Variants in ZNF142 observed in about 807,000 individuals in gnomAD.
ZNF142 encodes the protein zinc finger protein 142 (clone pHZ-49).
Under a neutral mutation model 132.1 loss-of-function variants are expected in ZNF142, and 96 were observed. The ratio of observed to expected loss-of-function variants is 0.73; its 90% CI spans 0.62 to 0.86. The LOEUF (loss-of-function observed/expected upper bound fraction) is 0.86. Ranked by LOEUF, ZNF142 falls within the 40% of genes least tolerant of loss-of-function variation. The pLI is 0.00. For synonymous variants in ZNF142, 842 were observed against 890.1 expected, an observed-to-expected ratio of 0.95 and a Z score of 0.96; for missense variants, 2,163 against 2,336.2, an observed-to-expected ratio of 0.93 and a Z score of 1.53.
rs1358601862 is a variant in ZNF142, at chr2:218,637,579, T to C, written c.*760A>G. Among the ~76,000 whole-genome samples the C allele has an allele frequency of 6.6e-6, 1 of 152,242 alleles. No individual in the cohort carries two copies. Among genetic ancestry groups the C allele is most frequent in the Non-Finnish European group, 1.5e-5 (1 of 68,038 alleles). ...TCCTCTCTAGTCATCTGCCTTTCCA[T>C]AGTATCCTTGTGCTTTAACACCTTA... On this transcript the variant is annotated 3_prime_UTR_variant, in exon 11 of 11. Transcript: ENST00000411696.
chr2:218,639,623 T>C (rs1431348331), intron 10 of ZNF142, among the ~76,000 whole-genome samples: 1 of 150,846 alleles, frequency 6.6e-6, no homozygotes, highest in Non-Finnish European at 1.5e-5. Flanking sequence ...ACCCAGCTAA[T>C]TGGGAGGCTA....
At position 218,636,907 on chromosome 2, in the gene ZNF142, G is replaced by A. The variant is rs763426189; in HGVS notation, c.*1432C>T. ...ACAACTAATCTTTCCCATCAACTCT[G>A]TGTGAAGGCAGGTTGCAACTAGAAA... On this transcript the variant is annotated 3_prime_UTR_variant, in exon 11 of 11. Coordinates refer to ENST00000411696, the MANE Select transcript of ZNF142 (RefSeq NM_001379659.1). 6 of 468,670 alleles carry A rather than the reference G, an allele frequency of 1.3e-5. No homozygotes were observed. The highest frequency in any genetic ancestry group is 2.0e-5 in the African/African-American group (1 of 50,568). 29.0% of individuals were successfully genotyped at this position (468,670 alleles called of 1,614,324 possible).
Position 218,642,600 on chromosome 2 carries a change from G to C in ZNF142, c.4516C>G (p.Leu1506Val). The C allele has an allele frequency of 6.2e-7, 1 of 1,609,716 alleles. No individual in the cohort carries two copies. The highest frequency in any genetic ancestry group is 1.1e-5 in the South Asian group (1 of 90,726). Residue 1506 changes from leucine to valine, a missense_variant, in exon 9 of 11, where the codon CTG (leucine) becomes GTG (valine). Physicochemically the swap from Leu to Val is conservative, Grantham distance 32. Transcript: ENST00000411696. This position sits in a 1 kb window ranked among gnomAD's most constrained non-coding sequence, Gnocchi z 4.6. ...TGTGCAGGCTCGGGGTGTCGGCGCAGAGCATGCTGCTTAAGTGCTGTCTCT... is the reference window on the plus strand; with the variant it reads ...TGTGCAGGCTCGGGGTGTCGGCGCACAGCATGCTGCTTAAGTGCTGTCTCT... ...SSETALKQHA[L>V]RRHPEPAQPA...
rs1453504893 is a variant in ZNF142, at chr2:218,643,581, G to T, written c.3535C>A (p.His1179Asn). ...NSLPTEAPKK[H>N]CFDPVPPAGN... Reference sequence around the variant, plus strand: ...GCAGGAGGGACTGGGTCAAAGCAGTGCTTCTTAGGGGCCTCTGTGGGCAAG... The same window carrying T: ...GCAGGAGGGACTGGGTCAAAGCAGTTCTTCTTAGGGGCCTCTGTGGGCAAG... The change falls in exon 9 of 11, where the codon CAC becomes AAC. Residue 1179 changes from histidine (H) to asparagine (N), a missense_variant. Coordinates refer to ENST00000411696, the MANE Select transcript of ZNF142 (RefSeq NM_001379659.1). The T allele has an allele frequency of 6.3e-7, 1 of 1,584,060 alleles. No homozygotes were observed. The highest frequency in any genetic ancestry group is 1.8e-5 in the Admixed American group (1 of 56,546).
At chr2:218,655,292 A>C (rs920165792) in intron 4 of ZNF142, among the ~76,000 whole-genome samples, 1 of 152,112 alleles carries the variant, frequency 6.6e-6, no homozygotes, top group African/African-American at 2.4e-5. Flanking sequence ...CAAATTAGCT[A>C]ATCTTTCCCA....
chr2:218,642,015 C>T lies in ZNF142; in HGVS notation c.5088+13G>A. On this transcript the variant is annotated intron_variant, in intron 9 of 10. Coordinates refer to ENST00000411696, the MANE Select transcript of ZNF142 (RefSeq NM_001379659.1). The surrounding 1 kb of genome is among the most constrained non-coding windows in gnomAD (Gnocchi z 4.6). ...GCTCCTTCCACTTCCTGCCCCATAT[C>T]CTCTGACATTACCTTGAGACGAGAG... 2 of 1,610,212 alleles carry T rather than the reference C, an allele frequency of 1.2e-6. No individual in the cohort carries two copies. Among genetic ancestry groups the T allele is most frequent in the Non-Finnish European group, 8.5e-7 (1 of 1,177,390 alleles).
rs1483872788 is a variant in ZNF142 at position 218,648,806 on chromosome 2, C to G, written c.1702G>C (p.Gly568Arg). Residue 568 changes from glycine (G) to arginine (R), a missense_variant, in exon 7 of 11, where the codon GGC (glycine) becomes CGC (arginine). Gly to Arg is a moderately radical substitution (Grantham distance 125). This residue lies in a region of ZNF142 where 749 missense variants were observed against 830.3 expected (regional missense o/e 0.90). Coordinates refer to ENST00000411696, the MANE Select transcript of ZNF142 (RefSeq NM_001379659.1). Reference sequence around the variant, plus strand: ...AAGGTGCAGCGCAGCTCTTCACTGCCAGGGTGGCCCTGCTTCTTGTGTTTA... The same window carrying G: ...AAGGTGCAGCGCAGCTCTTCACTGCGAGGGTGGCCCTGCTTCTTGTGTTTA... ...FRKHKKQGHP[G>R]SEELRCTFCP... 6.2e-7 allele frequency: 1 copy of G among 1,614,162 alleles called. No homozygotes were observed.
rs1400297234 is a variant in ZNF142 at position 218,642,655 on chromosome 2, G to A, written c.4461C>T (p.Ala1487=). The change falls in exon 9 of 11, where the codon GCC becomes GCT. Residue 1487 remains alanine (A), a synonymous_variant. Coordinates refer to ENST00000411696, the MANE Select transcript of ZNF142 (RefSeq NM_001379659.1). This position sits in a 1 kb window ranked among gnomAD's most constrained non-coding sequence, Gnocchi z 4.6. ...NSCHQGTPAF[A]CSQCEAQFSS... ...TGAACTGGGCTTCACACTGGGAGCA[G>A]GCAAAGGCTGGGGTGCCTTGGTGGC... 2 of 1,614,124 alleles carry A rather than the reference G, an allele frequency of 1.2e-6. No homozygotes were observed. Among genetic ancestry groups the A allele is most frequent in the Middle Eastern group, 1.6e-4 (1 of 6,062 alleles).
chr2:218,636,384 T>C lies in ZNF142; in HGVS notation c.*1955A>G, dbSNP rs1696750192. On this transcript the variant is annotated 3_prime_UTR_variant, in exon 11 of 11. Coordinates refer to ENST00000411696, the MANE Select transcript of ZNF142 (RefSeq NM_001379659.1). Reference sequence around the variant, plus strand: ...CAGTACACCCTGCCTTGGACCTGCATGCAACAAGGTGAGCCAGCCCCTTTG... The same window carrying C: ...CAGTACACCCTGCCTTGGACCTGCACGCAACAAGGTGAGCCAGCCCCTTTG... 3 of 1,614,024 alleles carry C rather than the reference T, an allele frequency of 1.9e-6. No individual in the cohort carries two copies. Among genetic ancestry groups the C allele is most frequent in the African/African-American group, 1.3e-5 (1 of 75,054 alleles).
chr2:218,646,333 T>G lies in ZNF142; in HGVS notation c.1889A>C (p.Lys630Thr), dbSNP rs762564827. 2.4e-5 allele frequency: 39 copies of G among 1,614,064 alleles called. No individual in the cohort carries two copies. The highest frequency in any genetic ancestry group is 3.3e-5 in the Non-Finnish European group (39 of 1,180,024). The change falls in exon 8 of 11, where the codon AAG becomes ACG. Residue 630 changes from lysine to threonine, a missense_variant. This residue lies in a region of ZNF142 where 749 missense variants were observed against 830.3 expected (regional missense o/e 0.90). Coordinates refer to ENST00000411696, the MANE Select transcript of ZNF142 (RefSeq NM_001379659.1). Reference protein sequence around the residue: ...MLLHTGEKPHKCELCDFTCRD... With the variant: ...MLLHTGEKPHTCELCDFTCRD... The stretch of plus-strand genomic sequence containing the variant: ...GCATGTGAAGTCACACAGCTCACAC[T>G]TGTGGGGCTTCTCACCTTATATGGG...
rs752607178 is a variant in ZNF142, at chr2:218,634,190, C to T, written c.*4149G>A. On this transcript the variant is annotated 3_prime_UTR_variant, in exon 11 of 11. Coordinates refer to ENST00000411696, the MANE Select transcript of ZNF142 (RefSeq NM_001379659.1). This position sits in a 1 kb window ranked among gnomAD's most constrained non-coding sequence, Gnocchi z 4.0. Reference sequence around the variant, plus strand: ...GGACAGACTCTTCCAACTACAACCCCCAGGAACTCTGGAATGCAGGCTGCC... The same window carrying T: ...GGACAGACTCTTCCAACTACAACCCTCAGGAACTCTGGAATGCAGGCTGCC... The T allele has an allele frequency of 1.9e-6, 3 of 1,611,730 alleles. No homozygotes were observed. The African/African-American group carries it at 4.0e-5, about 22-fold the overall frequency.
Position 218,640,018 on chromosome 2 carries a change from C to T in ZNF142, c.5194+646G>A, listed in dbSNP as rs576029132. 3.3e-3 allele frequency among the ~76,000 whole-genome samples: 437 copies of T among 132,552 alleles called. 2 individuals carry two copies. The highest frequency in any genetic ancestry group is 0.012 in the African/African-American group (409 of 35,174). 87.0% of individuals were successfully genotyped at this position (132,552 alleles called of 152,430 possible). On this transcript the variant is annotated intron_variant, in intron 10 of 10. Coordinates refer to ENST00000411696, the MANE Select transcript of ZNF142 (RefSeq NM_001379659.1). ...CAGAACTTGCAGTGAGCTTAGATTG[C>T]GCCACTGCACTCCAGGCTGGGCAAC...
Position 218,635,665 on chromosome 2 carries a change from T to A in ZNF142, c.*2674A>T. On this transcript the variant is annotated 3_prime_UTR_variant, in exon 11 of 11. Transcript: ENST00000411696. ...GCATTTTAAATTGCAGATAGAATAC[T>A]AGAAGAAAATATATTACCCATGGAG... The A allele has an allele frequency of 7.7e-7, 1 of 1,293,626 alleles. No individual in the cohort carries two copies. The highest frequency in any genetic ancestry group is 1.0e-6 in the Non-Finnish European group (1 of 957,442). 80.1% of individuals were successfully genotyped at this position (1,293,626 alleles called of 1,614,324 possible).
rs201184012 is a variant in ZNF142, at chr2:218,639,261, G to A, written c.5195-453C>T. Among the ~76,000 whole-genome samples the A allele has an allele frequency of 2.6e-5, 4 of 152,068 alleles. No individual in the cohort carries two copies. The East Asian group carries it at 7.7e-4, about 29-fold the overall frequency. Reference sequence around the variant, plus strand: ...GCTGGGATTACAGGCATGAGCCACCGCGCCTGGCCCTGTCTGACATTTCTG... The same window carrying A: ...GCTGGGATTACAGGCATGAGCCACCACGCCTGGCCCTGTCTGACATTTCTG... On this transcript the variant is annotated intron_variant, in intron 10 of 10. Transcript: ENST00000411696.
chr2:218,646,177 T>C lies in ZNF142; in HGVS notation c.2045A>G (p.Asp682Gly). 3 of 1,613,132 alleles carry C rather than the reference T, an allele frequency of 1.9e-6. No homozygotes were observed. Among genetic ancestry groups the C allele is most frequent in the East Asian group, 2.2e-5 (1 of 44,892 alleles). ...GCCTATGTGTGTGTTGTACCTGAGG[T>C]CCCCTGCATGTTTTCGCATGTGCAC... Reference protein sequence around the residue: ...LRVHMRKHAGDLRYQCNQCSY... With the variant: ...LRVHMRKHAGGLRYQCNQCSY... The change falls in exon 8 of 11, where the codon GAC (aspartate) becomes GGC (glycine). Residue 682 changes from aspartate to glycine, a missense_variant. By Grantham distance (94) the Asp-to-Gly change is moderately conservative (BLOSUM62 -1). Coordinates refer to ENST00000411696, the MANE Select transcript of ZNF142 (RefSeq NM_001379659.1).
intron 5 of ZNF142, among the ~76,000 whole-genome samples, chr2:218,650,837 CCTTCT>C (rs1937915806): frequency 1.3e-5 from 2 of 152,208 alleles, no homozygotes; most frequent in African/African-American, 4.8e-5. Context: ...GACTGCAATT[CCTTCT>C]CTTATCAGAA....
Position 218,642,781 on chromosome 2 carries a change from C to T in ZNF142, c.4335G>A (p.Leu1445=), listed in dbSNP as rs1422237228. ...QTFGTNSKLR[L]HRLRVHDKTP... is the part of the protein sequence containing the mutation. ...TTTTGTCATGTACCCTTAACCGGTG[C>T]AAGCGCAGTTTCGAGTTGGTACCAA... The change falls in exon 9 of 11, where the codon TTG becomes TTA. Residue 1445 remains leucine (L), a synonymous_variant. Coordinates refer to ENST00000411696, the MANE Select transcript of ZNF142 (RefSeq NM_001379659.1). The surrounding 1 kb of genome is among the most constrained non-coding windows in gnomAD (Gnocchi z 4.6). 2.5e-6 allele frequency: 4 copies of T among 1,614,056 alleles called. No homozygotes were observed. Among genetic ancestry groups the T allele is most frequent in the Non-Finnish European group, 2.5e-6 (3 of 1,180,046 alleles).
intron 4 of ZNF142, among the ~76,000 whole-genome samples, chr2:218,655,882 GTGTCAGAAAGGTCTTA>G (rs1938436359): frequency 6.6e-6 from 1 of 152,132 alleles, no homozygotes; most frequent in African/African-American, 2.4e-5. Flanking sequence ...TTGGGCGGAG[GTGTCAGAAAGGTCTTA>G]CTTTCTGGAT....
At chr2:218,648,578 G>C (rs1937653012) in intron 7 of ZNF142, 57 bp downstream of exon 7, 1 of 1,525,878 alleles carries the variant, frequency 6.6e-7, no homozygotes, top group Admixed American at 1.8e-5. Context: ...ACCCTTTGTA[G>C]CCAGTATCAC....
Sources: allele counts gnomAD v4.1 joint callset (sites outside exome capture counted in the v4.1 genomes callset), GRCh38; gene constraint gnomAD v4.1.1; regional missense constraint gnomAD v4.1.1; non-coding constraint Gnocchi (gnomAD v3.1); transcripts MANE v1.5; gene names NCBI Gene and HGNC (gene_info 2026-07-23, HGNC 2026-07-21).